The following MTMR12 variants were observed in gnomAD, a reference collection of about 807,000 sequenced individuals.
The protein encoded by MTMR12 is myotubularin related protein 12.
A neutral mutation model predicts 96.7 loss-of-function variants in MTMR12; 33 were observed. That is an observed-to-expected ratio of 0.34 (90% CI 0.26 to 0.46). The LOEUF is 0.46. Among genes scored for constraint, MTMR12 ranks in the 20% least tolerant of loss-of-function variants. The pLI is 1.00. For missense variants in MTMR12, 721 were observed against 896.1 expected (o/e 0.80, Z 2.49); for synonymous variants, 298 against 327.2 (o/e 0.91, Z 0.96).
intron 13 of MTMR12, among the ~76,000 whole-genome samples, chr5:32,236,651 A>G (rs1382300178): frequency 2.0e-5 from 3 of 152,098 alleles, no homozygotes; most frequent in Non-Finnish European, 4.4e-5. Context: ...ATACCTGACC[A>G]ACATGGTGAA....
intron 1 of MTMR12, among the ~76,000 whole-genome samples, chr5:32,308,254 G>A (rs936073040): frequency 6.6e-6 from 1 of 152,058 alleles, no homozygotes. Context: ...CCTGGGAGGC[G>A]GAGGTTGCAG....
rs1164970047 is a variant in MTMR12 at position 32,299,235 on chromosome 5, CTT to C, written c.81+13521_81+13522del. On this transcript the variant is annotated intron_variant, in intron 1 of 15. Transcript: ENST00000382142. ...TTAAGACTAACAGCAACCTTACGGG[CTT>C]TTATTTTATTCCCATTTCACAGATC... 2.6e-4 allele frequency among the ~76,000 whole-genome samples: 40 copies of C among 152,262 alleles called. 1 individual carries two copies.
intron 1 of MTMR12, among the ~76,000 whole-genome samples, chr5:32,297,831 C>G (rs1750985577): frequency 6.6e-6 from 1 of 152,188 alleles, no homozygotes. Flanking sequence ...TCCCACAGAC[C>G]TGATCTCACC....
rs954639515 is a variant in MTMR12 at position 32,247,873 on chromosome 5, T to G, written c.1021+129A>C. The G allele has an allele frequency of 4.3e-6, 6 of 1,399,878 alleles. No homozygotes were observed. In the East Asian group the frequency reaches 9.6e-5, roughly 22 times the overall value. 86.7% of individuals were successfully genotyped at this position (1,399,878 alleles called of 1,614,324 possible). ...AATGGCAGCCAGACCCCTGGCTCCA[T>G]GACATCACAGCCCTGGGCTCTGCGT... On this transcript the variant is annotated intron_variant, in intron 10 of 15. Transcript: ENST00000382142.
At chr5:32,285,727 C>T (rs1750516941) in intron 1 of MTMR12, among the ~76,000 whole-genome samples, 1 of 152,126 alleles carries the variant, frequency 6.6e-6, no homozygotes, top group Non-Finnish European at 1.5e-5. Context: ...CCCATTCTGG[C>T]AATGTCTAGG....
chr5:32,266,359 GAAAGCCTTATGAC>G (rs1749593516), intron 6 of MTMR12, among the ~76,000 whole-genome samples: 3 of 152,188 alleles, frequency 2.0e-5, no homozygotes, highest in Admixed American at 2.0e-4. Flanking sequence ...CTGCCTTCCA[GAAAGCCTTATGAC>G]AAAGCCTTGT....
At chr5:32,238,169 T>C (rs1470760373) in intron 13 of MTMR12, among the ~76,000 whole-genome samples, 1 of 114,774 alleles carries the variant, frequency 8.7e-6, no homozygotes, top group Admixed American at 8.5e-5. Context: ...AAAAAAAAAA[T>C]TGACTCTGAA....
chr5:32,293,734 T>C (rs1750824956), intron 1 of MTMR12, among the ~76,000 whole-genome samples: 2 of 152,176 alleles, frequency 1.3e-5, no homozygotes, highest in African/African-American at 2.4e-5. Context: ...TTCAACAGTA[T>C]AGGCTGATGA....
intron 6 of MTMR12, among the ~76,000 whole-genome samples, chr5:32,264,940 A>G (rs946779750): frequency 6.6e-6 from 1 of 152,128 alleles, no homozygotes; most frequent in Non-Finnish European, 1.5e-5. Flanking sequence ...AAATTTCCAT[A>G]AAGTTCTAAT....
chr5:32,247,054 TAA>T (rs1748719876), intron 10 of MTMR12, among the ~76,000 whole-genome samples: 1 of 152,162 alleles, frequency 6.6e-6, no homozygotes, highest in South Asian at 2.1e-4. Flanking sequence ...TTTGCTAGGC[TAA>T]AAAGTCCAAG....
At chr5:32,311,862 C>T (rs1751611196) in intron 1 of MTMR12, among the ~76,000 whole-genome samples, 1 of 152,212 alleles carries the variant, frequency 6.6e-6, no homozygotes, top group South Asian at 2.1e-4. Flanking sequence ...CTTCAAGTCT[C>T]GGCTCAAATG....
chr5:32,262,618 A>T (rs765179027), intron 7 of MTMR12, among the ~76,000 whole-genome samples: 6 of 152,196 alleles, frequency 3.9e-5, no homozygotes, highest in Non-Finnish European at 7.3e-5. Flanking sequence ...AAACAAAAAC[A>T]AAAACAAAAA....
chr5:32,296,930 G>A (rs1371547494), intron 1 of MTMR12, among the ~76,000 whole-genome samples: 2 of 151,674 alleles, frequency 1.3e-5, no homozygotes, highest in African/African-American at 2.4e-5. Flanking sequence ...GTGAAACCCC[G>A]TCTCTACTAA....
intron 5 of MTMR12, among the ~76,000 whole-genome samples, chr5:32,269,045 T>C (rs950833643): frequency 2.6e-5 from 4 of 151,286 alleles, no homozygotes; most frequent in Non-Finnish European, 2.9e-5. Context: ...TTTTTTTTTT[T>C]CTGAGACAGC....
intron 8 of MTMR12, among the ~76,000 whole-genome samples, chr5:32,253,191 C>G (rs767963041): frequency 1.3e-5 from 2 of 152,154 alleles, no homozygotes; most frequent in Non-Finnish European, 2.9e-5. Flanking sequence ...GCTATATATT[C>G]TACAATAACA....
intron 8 of MTMR12, among the ~76,000 whole-genome samples, chr5:32,252,536 T>G (rs984073051): frequency 6.6e-6 from 1 of 152,232 alleles, no homozygotes; most frequent in Non-Finnish European, 1.5e-5. Flanking sequence ...CATGCAATCT[T>G]GCAGATCAGT....
chr5:32,301,692 A>T (rs1751148382), intron 1 of MTMR12, among the ~76,000 whole-genome samples: 1 of 152,126 alleles, frequency 6.6e-6, no homozygotes. Context: ...GGAGTTTGAG[A>T]CCAGTCTGGC....
At chr5:32,300,720 C>T (rs1751108382) in intron 1 of MTMR12, among the ~76,000 whole-genome samples, 1 of 151,946 alleles carries the variant, frequency 6.6e-6, no homozygotes, top group Non-Finnish European at 1.5e-5. Context: ...AGAAAGTGAT[C>T]ATTAAAACAA....
chr5:32,239,224 TAAA>T, intron 12 of MTMR12, 51 bp from the exon 13 acceptor site: 2 of 1,481,666 alleles, frequency 1.3e-6, no homozygotes, highest in Non-Finnish European at 1.8e-6. Context: ...CATAAAATGT[TAAA>T]AAGTTTCAGA....
Sources: gnomAD v4.1 joint callset for allele counts (sites outside exome capture counted in the v4.1 genomes callset) on GRCh38, gnomAD v4.1.1 for gene constraint, MANE v1.5 for transcripts, NCBI Gene and HGNC (gene_info 2026-07-23, HGNC 2026-07-21) for gene names.